Variants in RNF13 observed in about 807,000 individuals in gnomAD.
RNF13 encodes the protein E3 ubiquitin-protein ligase RNF13.
Under a neutral mutation model 37.7 loss-of-function variants are expected in RNF13, and 19 were observed. The observed-to-expected ratio is 0.50, with a 90% CI of 0.35 to 0.74. RNF13 has a LOEUF of 0.74. RNF13 is among the 30% of genes least tolerant of loss of function. The pLI is 0.01. For missense variants in RNF13, 375 were observed against 453.0 expected, an observed-to-expected ratio of 0.83 and a Z score of 1.56; for synonymous variants, 144 against 157.8, an observed-to-expected ratio of 0.91 and a Z score of 0.65.
intron 5 of RNF13, 78 bp downstream of exon 5, chr3:149,895,638 C>A: frequency 2.0e-6 from 2 of 1,007,360 alleles, no homozygotes; most frequent in South Asian, 1.6e-5. Context: ...TTTTCCTTCT[C>A]TCATTTTCTT....
chr3:149,854,209 A>C (rs1723426544), intron 3 of RNF13, among the ~76,000 whole-genome samples: 1 of 151,742 alleles, frequency 6.6e-6, no homozygotes, highest in South Asian at 2.1e-4. Flanking sequence ...AGGGGCATTG[A>C]ATTTTTAATT....
chr3:149,838,583 A>G (rs1721877868), intron 1 of RNF13, among the ~76,000 whole-genome samples: 1 of 152,200 alleles, frequency 6.6e-6, no homozygotes, highest in Non-Finnish European at 1.5e-5. Flanking sequence ...CCCAAACTGT[A>G]CCTTGGCTCT....
At chr3:149,922,137 C>A (rs1718195239) in intron 8 of RNF13, among the ~76,000 whole-genome samples, 1 of 152,138 alleles carries the variant, frequency 6.6e-6, no homozygotes, top group South Asian at 2.1e-4. Flanking sequence ...CTGCACCCAG[C>A]TAATTTTTGT....
intron 4 of RNF13, among the ~76,000 whole-genome samples, chr3:149,876,842 G>A (rs1338058199): frequency 2.1e-5 from 3 of 142,426 alleles, no homozygotes; most frequent in Non-Finnish European, 4.5e-5. Flanking sequence ...GCAGTAGCAC[G>A]GTCTTGGCTC....
rs1576731876 is a variant in RNF13, at chr3:149,833,658, A to C, written c.-16-12353A>C. 2.0e-5 allele frequency among the ~76,000 whole-genome samples: 3 copies of C among 152,210 alleles called. No individual in the cohort carries two copies. The East Asian group carries it at 5.8e-4, about 29-fold the overall frequency. ...GTGTAAAAAACCGACAACTAATATAATTGGTCATAAAAGACTGAAAGCTTT... is the reference window on the plus strand; with the variant it reads ...GTGTAAAAAACCGACAACTAATATACTTGGTCATAAAAGACTGAAAGCTTT... On this transcript the variant is annotated intron_variant, in intron 1 of 9. Transcript: ENST00000392894.
At chr3:149,829,434 A>G (rs898224582) in intron 1 of RNF13, among the ~76,000 whole-genome samples, 3 of 152,198 alleles carry the variant, frequency 2.0e-5, no homozygotes, top group African/African-American at 7.2e-5. Flanking sequence ...TATTAAAAGT[A>G]AAAAATTGAT....
At chr3:149,860,256 TAAA>T (rs764889596) in intron 3 of RNF13, among the ~76,000 whole-genome samples, 26 of 57,812 alleles carry the variant, frequency 4.5e-4, no homozygotes, top group Non-Finnish European at 5.9e-4. Flanking sequence ...AGACTCCATC[TAAA>T]AAAAAAAAAA....
chr3:149,852,366 A>G, intron 2 of RNF13, 150 bp from the exon 3 acceptor site: 1 of 411,768 alleles, frequency 2.4e-6, no homozygotes, highest in Non-Finnish European at 4.4e-6. Flanking sequence ...ATTTTAGTGG[A>G]TGTACATTTA....
At chr3:149,842,161 A>G (rs1172070589) in intron 1 of RNF13, among the ~76,000 whole-genome samples, 2 of 152,072 alleles carry the variant, frequency 1.3e-5, no homozygotes. Flanking sequence ...TTTTACATTA[A>G]GAGCACTTCA....
intron 8 of RNF13, among the ~76,000 whole-genome samples, chr3:149,950,118 G>A (rs746195993): frequency 1.3e-5 from 2 of 152,066 alleles, no homozygotes; most frequent in South Asian, 4.1e-4. Flanking sequence ...TAGTGTTTTT[G>A]ATCTCTAGCA....
intron 8 of RNF13, among the ~76,000 whole-genome samples, chr3:149,949,569 A>G (rs955958493): frequency 1.3e-5 from 2 of 151,532 alleles, no homozygotes; most frequent in Admixed American, 6.6e-5. Flanking sequence ...GAATTTGTAT[A>G]TCCATTTCTC....
chr3:149,814,669 G>C (rs1023244015), intron 1 of RNF13, among the ~76,000 whole-genome samples: 1 of 152,186 alleles, frequency 6.6e-6, no homozygotes, highest in African/African-American at 2.4e-5. Flanking sequence ...TGTGTCAAGA[G>C]GAAGATGGAA....
intron 1 of RNF13, among the ~76,000 whole-genome samples, chr3:149,836,032 C>T (rs956508167): frequency 2.6e-5 from 4 of 152,182 alleles, no homozygotes; most frequent in African/African-American, 9.7e-5. Flanking sequence ...TTCCCTTTCA[C>T]CACATCCATG....
chr3:149,820,646 GA>G (rs904389223), intron 1 of RNF13, among the ~76,000 whole-genome samples: 2 of 151,366 alleles, frequency 1.3e-5, no homozygotes, highest in East Asian at 1.9e-4. Flanking sequence ...GCTTTTTTTG[GA>G]AAAAAAATTG....
At chr3:149,874,957 C>G (rs531772505) in intron 4 of RNF13, among the ~76,000 whole-genome samples, 3 of 152,136 alleles carry the variant, frequency 2.0e-5, no homozygotes, top group South Asian at 4.1e-4. Flanking sequence ...TGGTTATATA[C>G]AGTTTTATAT....
chr3:149,949,932 C>T (rs1490561334), intron 8 of RNF13, among the ~76,000 whole-genome samples: 1 of 151,982 alleles, frequency 6.6e-6, no homozygotes, highest in Non-Finnish European at 1.5e-5. Context: ...TATGCATATG[C>T]TACATTTTCT....
intron 4 of RNF13, among the ~76,000 whole-genome samples, chr3:149,880,894 A>G (rs1713313859): frequency 6.6e-6 from 1 of 152,298 alleles, no homozygotes; most frequent in Non-Finnish European, 1.5e-5. Context: ...GTGAGTTTCA[A>G]ACTTTTTTGA....
chr3:149,931,276 C>T (rs562003940), intron 8 of RNF13, among the ~76,000 whole-genome samples: 1 of 152,096 alleles, frequency 6.6e-6, no homozygotes, highest in Admixed American at 6.6e-5. Flanking sequence ...ACTATGTTGC[C>T]AGGTCTGAAC....
chr3:149,953,361 A>G (rs1253319682), intron 8 of RNF13, among the ~76,000 whole-genome samples: 4 of 152,210 alleles, frequency 2.6e-5, no homozygotes. Context: ...CAGAATATAT[A>G]AGAAATGTTT....
Sources: allele counts gnomAD v4.1 joint callset (sites outside exome capture counted in the v4.1 genomes callset), GRCh38; gene constraint gnomAD v4.1.1; transcripts MANE v1.5; gene names NCBI Gene and HGNC (gene_info 2026-07-23, HGNC 2026-07-21).